LCORL: variants seen among roughly 807,000 people sequenced by gnomAD.
The protein encoded by LCORL is ligand dependent nuclear receptor corepressor like, also known as ligand-dependent nuclear receptor corepressor-like protein.
Under a neutral mutation model 141.8 loss-of-function variants are expected in LCORL, and 41 were observed. That is an observed-to-expected ratio of 0.29 (90% CI 0.23 to 0.38). The LOEUF is 0.38. LCORL is among the 10% of genes least tolerant of loss of function. LCORL has a pLI of 1.00. For missense variants in LCORL, 1,759 were observed against 2,035.0 expected (o/e 0.86, Z 2.61); for synonymous variants, 618 against 694.1 (o/e 0.89, Z 1.72).
chr4:17,970,420 T>C (rs866921092), intron 2 of LCORL, among the ~76,000 whole-genome samples: 6 of 152,200 alleles, frequency 3.9e-5, no homozygotes, highest in Non-Finnish European at 7.3e-5. Flanking sequence ...AGCTAGAGCC[T>C]TTGGAAGAGA....
At chr4:17,851,528 ACT>A (rs1417070564) in intron 7 of LCORL, among the ~76,000 whole-genome samples, 2 of 152,198 alleles carry the variant, frequency 1.3e-5, no homozygotes. Flanking sequence ...TACAATGAAT[ACT>A]CAATTCTTTT....
intron 2 of LCORL, among the ~76,000 whole-genome samples, chr4:17,967,801 G>A (rs1715200035): frequency 6.6e-6 from 1 of 151,978 alleles, no homozygotes; most frequent in Admixed American, 6.6e-5. Context: ...TGGTGCAAAG[G>A]TAATCGCAGT....
intron 7 of LCORL, among the ~76,000 whole-genome samples, chr4:17,859,078 G>A (rs1278760062): frequency 6.6e-6 from 1 of 152,074 alleles, no homozygotes; most frequent in Non-Finnish European, 1.5e-5. Context: ...GAAAGTGATA[G>A]GCATTTAGCA....
At chr4:17,911,603 A>G (rs1044273430) in intron 4 of LCORL, 2 of 393,204 alleles carry the variant, frequency 5.1e-6, no homozygotes, top group African/African-American at 4.3e-5. Context: ...AGAAATCAGC[A>G]GTTTAAAAAT....
chr4:17,861,006 G>T (rs1724941389), intron 7 of LCORL, among the ~76,000 whole-genome samples: 1 of 152,168 alleles, frequency 6.6e-6, no homozygotes, highest in Non-Finnish European at 1.5e-5. Context: ...TGCTTTCATG[G>T]GATGGCTTTG....
chr4:17,989,193 T>C (rs1560449052), intron 1 of LCORL, among the ~76,000 whole-genome samples: 1 of 152,226 alleles, frequency 6.6e-6, no homozygotes, highest in Non-Finnish European at 1.5e-5. Context: ...ATTGTTTTGA[T>C]GATCTCCTCA....
intron 5 of LCORL, among the ~76,000 whole-genome samples, chr4:17,895,888 T>A (rs1456679135): frequency 6.6e-6 from 1 of 152,240 alleles, no homozygotes; most frequent in African/African-American, 2.4e-5. Flanking sequence ...CTTTCTATTG[T>A]TGAATACTAT....
intron 5 of LCORL, among the ~76,000 whole-genome samples, chr4:17,898,831 C>T (rs932598145): frequency 1.8e-4 from 27 of 152,096 alleles, no homozygotes; most frequent in African/African-American, 6.5e-4. Context: ...TAATTAAAGG[C>T]TTGATTCCCT....
At chr4:17,845,263 T>C (rs1380643895) in exon 8 of LCORL, 1 of 153,422 alleles carries the variant, frequency 6.5e-6, no homozygotes, top group Non-Finnish European at 1.5e-5. Context: ...ATATATAACG[T>C]TGAAGGAGAT....
exon 8 of LCORL, chr4:17,843,582 GAGC>G (rs1209690745): frequency 1.5e-6 from 1 of 687,054 alleles, no homozygotes; most frequent in African/African-American, 1.8e-5. Context: ...TAAAGCAGTA[GAGC>G]AGCATCAGTT....
At chr4:17,897,403 G>A (rs1236469487) in intron 5 of LCORL, among the ~76,000 whole-genome samples, 1 of 150,608 alleles carries the variant, frequency 6.6e-6, no homozygotes, top group Non-Finnish European at 1.5e-5. Flanking sequence ...TTATCTTATT[G>A]GGGTGGAAAA....
At chr4:17,954,053 C>T (rs899441100) in intron 4 of LCORL, among the ~76,000 whole-genome samples, 2 of 152,102 alleles carry the variant, frequency 1.3e-5, no homozygotes, top group African/African-American at 4.8e-5. Context: ...ATCCCAGCTA[C>T]AGGGGAGGCT....
chr4:17,906,244 C>T (rs1476585906), intron 5 of LCORL, among the ~76,000 whole-genome samples: 2 of 152,064 alleles, frequency 1.3e-5, no homozygotes, highest in Admixed American at 6.5e-5. Flanking sequence ...AAGAAACTAC[C>T]CATCCATACC....
exon 7 of LCORL, chr4:17,877,607 A>G: frequency 8.1e-7 from 1 of 1,230,650 alleles, no homozygotes. Flanking sequence ...CTAAGGCTGA[A>G]ATCTCTGAGA....
intron 5 of LCORL, among the ~76,000 whole-genome samples, chr4:17,886,931 C>T (rs1311095349): frequency 6.6e-6 from 1 of 151,984 alleles, no homozygotes; most frequent in Non-Finnish European, 1.5e-5. Flanking sequence ...TAAAACCCAG[C>T]AAAGAATTCC....
At chr4:17,966,139 C>T (rs1048485166) in intron 2 of LCORL, among the ~76,000 whole-genome samples, 3 of 151,926 alleles carry the variant, frequency 2.0e-5, no homozygotes, top group African/African-American at 2.4e-5. Flanking sequence ...TCCCATCATC[C>T]GTAGACAATG....
rs528647915 is a variant in LCORL, at chr4:17,935,018, A to C, written c.431-25673T>G. Among the ~76,000 whole-genome samples, 62 of 152,312 alleles carry C rather than the reference A, an allele frequency of 4.1e-4. 1 individual carries two copies. In the South Asian group the frequency reaches 0.013, roughly 32 times the overall value. ...ACTGACATACTCAATATGTAGTTTCATAGAGAACAAATGAAACAGTTCTGA... is the reference window on the plus strand; with the variant it reads ...ACTGACATACTCAATATGTAGTTTCCTAGAGAACAAATGAAACAGTTCTGA... On this transcript the variant is annotated intron_variant, in intron 4 of 7. Coordinates refer to ENST00000635767, the Ensembl canonical transcript of LCORL.
chr4:17,985,084 AT>A (rs564671846), intron 1 of LCORL, among the ~76,000 whole-genome samples: 5 of 151,768 alleles, frequency 3.3e-5, no homozygotes, highest in African/African-American at 4.8e-5. Context: ...GTTTTGAGTG[AT>A]TTTTTTTGTT....
chr4:18,011,572 T>G (rs1448882560), intron 1 of LCORL, among the ~76,000 whole-genome samples: 1 of 152,234 alleles, frequency 6.6e-6, no homozygotes, highest in Non-Finnish European at 1.5e-5. Context: ...ATATCATTAT[T>G]TATACTTAAA....
Sources: gnomAD v4.1 joint callset for allele counts (sites outside exome capture counted in the v4.1 genomes callset) on GRCh38, gnomAD v4.1.1 for gene constraint, MANE v1.5 for transcripts, NCBI Gene and HGNC (gene_info 2026-07-23, HGNC 2026-07-21) for gene names.